Variants in KCNT1 observed in about 807,000 individuals in gnomAD.
KCNT1 encodes potassium sodium-activated channel subfamily T member 1.
In KCNT1, 78 loss-of-function variants were observed where a neutral mutation model predicts 147.8. That is an observed-to-expected ratio of 0.53 (90% CI 0.44 to 0.64). The LOEUF (loss-of-function observed/expected upper bound fraction) is 0.64. Ranked by LOEUF, KCNT1 falls within the 30% of genes least tolerant of loss-of-function variation. KCNT1 has a pLI of 0.00. For missense variants in KCNT1, 1,419 were observed against 1,750.3 expected (o/e 0.81, Z 3.38); for synonymous variants, 867 against 748.8 (o/e 1.16, Z -2.58).
intron 2 of KCNT1, among the ~76,000 whole-genome samples, chr9:135,731,073 G>A (rs905919993): frequency 1.3e-5 from 2 of 148,838 alleles, no homozygotes; most frequent in African/African-American, 5.0e-5. Flanking sequence ...AAGCCCACAC[G>A]CCATGTTTGA....
Position 135,778,490 on chromosome 9 carries a change from G to T in KCNT1, c.2589G>T (p.Val863=). 6.4e-7 allele frequency: 1 copy of T among 1,569,664 alleles called. No individual in the cohort carries two copies. The highest frequency in any genetic ancestry group is 2.4e-5 in the East Asian group (1 of 42,262). The change falls in exon 22 of 31, where the codon GTG becomes GTT. Residue 863 remains valine (V), a synonymous_variant. Transcript: ENST00000371757. The stretch of plus-strand genomic sequence containing the variant: ...TGGTCTACTACATGGAGGGCTCTGT[G>T]GACAAGTAAGGCGTGGCCGGCCGAG... ...FPMVYYMEGS[V]DNLDSLLQCG... is the part of the protein sequence containing the mutation.
chr9:135,769,026 T>C, intron 15 of KCNT1, 89 bp downstream of exon 15: 2 of 987,174 alleles, frequency 2.0e-6, no homozygotes, highest in South Asian at 1.5e-5. Context: ...GCAGGGCGCA[T>C]GTGCACATGT....
Position 135,792,296 on chromosome 9 carries a change from ACCC to A in KCNT1, c.*136_*138del. The A allele has an allele frequency of 1.7e-6, 2 of 1,185,468 alleles. No homozygotes were observed. Among genetic ancestry groups the A allele is most frequent in the Non-Finnish European group, 2.3e-6 (2 of 874,498 alleles). 73.4% of individuals were successfully genotyped at this position (1,185,468 alleles called of 1,614,324 possible). A position where few individuals can be genotyped will look rare whatever the true frequency, so the allele number is the denominator to read the frequency against. On this transcript the variant is annotated 3_prime_UTR_variant, in exon 31 of 31. Transcript: ENST00000371757. Reference sequence around the variant, plus strand: ...TACTCACCATGGCTCCTGGGACTCCACCCTGGAAAGGAGCCCCTCATGCGGGGG... The same window carrying A: ...TACTCACCATGGCTCCTGGGACTCCATGGAAAGGAGCCCCTCATGCGGGGG...
intron 2 of KCNT1, chr9:135,742,748 G>A (rs1032295260): frequency 2.9e-5 from 21 of 717,262 alleles, no homozygotes; most frequent in African/African-American, 2.1e-4. Flanking sequence ...CCGCATTCTG[G>A]TTGATGCCCC....
intron 14 of KCNT1, 31 bp downstream of exon 14, chr9:135,768,704 G>T: frequency 6.5e-7 from 1 of 1,545,716 alleles, no homozygotes; most frequent in Non-Finnish European, 8.7e-7. Flanking sequence ...GCCCAGGCGG[G>T]AGGGGCACCG....
intron 18 of KCNT1, among the ~76,000 whole-genome samples, chr9:135,772,305 A>T (rs1369685375): frequency 6.6e-6 from 1 of 152,022 alleles, no homozygotes; most frequent in African/African-American, 2.4e-5. Flanking sequence ...CAGGAGTGGC[A>T]GAGTCTGCTC....
At chr9:135,726,924 T>C (rs1454601661) in intron 2 of KCNT1, among the ~76,000 whole-genome samples, 4 of 87,152 alleles carry the variant, frequency 4.6e-5, no homozygotes, top group African/African-American at 8.8e-5. Flanking sequence ...TCTCCCTCTC[T>C]CTCTCTCCCT....
At chr9:135,705,211 CCT>C (rs1564307687) in intron 1 of KCNT1, among the ~76,000 whole-genome samples, 1 of 152,196 alleles carries the variant, frequency 6.6e-6, no homozygotes, top group African/African-American at 2.4e-5. Flanking sequence ...CGGGCTCTCC[CCT>C]GAGGCTTTTT....
chr9:135,730,675 C>T lies in KCNT1; in HGVS notation c.254+15955C>T, dbSNP rs536737931. On this transcript the variant is annotated intron_variant, in intron 2 of 30. Coordinates refer to ENST00000371757, the MANE Select transcript of KCNT1 (RefSeq NM_020822.3). The surrounding 1 kb of genome is among the most constrained non-coding windows in gnomAD (Gnocchi z 4.7). Reference sequence around the variant, plus strand: ...CTTCAGGCTTGGGATTTCGGACCTCCGGGATGGTGTGCTTAAAACACTTGT... The same window carrying T: ...CTTCAGGCTTGGGATTTCGGACCTCTGGGATGGTGTGCTTAAAACACTTGT... 7.2e-5 allele frequency among the ~76,000 whole-genome samples: 11 copies of T among 152,192 alleles called. No individual in the cohort carries two copies. Among genetic ancestry groups the T allele is most frequent in the African/African-American group, 2.6e-4 (11 of 41,516 alleles).
At chr9:135,769,052 G>A (rs1423095266) in intron 15 of KCNT1, 115 bp downstream of exon 15, 5 of 816,116 alleles carry the variant, frequency 6.1e-6, no homozygotes, top group Non-Finnish European at 9.7e-6. Context: ...GGTGCGTCTG[G>A]GGCAGGACGC....
At chr9:135,725,310 C>T (rs913501718) in intron 2 of KCNT1, among the ~76,000 whole-genome samples, 4 of 152,200 alleles carry the variant, frequency 2.6e-5, no homozygotes, top group East Asian at 1.9e-4. Context: ...TGTAGAAACA[C>T]GGTCTTTGCA....
chr9:135,733,876 C>T (rs977839452), intron 2 of KCNT1, among the ~76,000 whole-genome samples: 2 of 150,950 alleles, frequency 1.3e-5, no homozygotes, highest in Non-Finnish European at 3.0e-5. Flanking sequence ...AATCCACCCC[C>T]CGCCTGCTCC....
chr9:135,784,112 C>T lies in KCNT1; in HGVS notation c.2930C>T (p.Thr977Ile). The T allele has an allele frequency of 1.9e-6, 3 of 1,604,180 alleles. No homozygotes were observed. Among genetic ancestry groups the T allele is most frequent in the Non-Finnish European group, 2.5e-6 (3 of 1,179,782 alleles). ...GTCTTCAGCATCAGCATGTTGGACA[C>T]ACTGCTCTACCAGGTCAGCGGGGAA... Reference protein sequence around the residue: ...GRVFSISMLDTLLYQSFVKDY... With the variant: ...GRVFSISMLDILLYQSFVKDY... Residue 977 changes from threonine (T) to isoleucine (I), a missense_variant, in exon 25 of 31, where the codon ACA (threonine) becomes ATA (isoleucine). This residue lies in a region of KCNT1 where 247 missense variants were observed against 397.1 expected (regional missense o/e 0.62). Coordinates refer to ENST00000371757, the MANE Select transcript of KCNT1 (RefSeq NM_020822.3).
intron 1 of KCNT1, among the ~76,000 whole-genome samples, chr9:135,710,242 T>C (rs1186216902): frequency 5.3e-5 from 8 of 152,208 alleles, no homozygotes; most frequent in Non-Finnish European, 1.0e-4. Context: ...CTGTATTTTC[T>C]TTCCATCTTG....
At chr9:135,738,489 G>A (rs1388857376) in intron 2 of KCNT1, among the ~76,000 whole-genome samples, 2 of 152,148 alleles carry the variant, frequency 1.3e-5, no homozygotes, top group African/African-American at 4.8e-5. Context: ...AGGCAGGTGT[G>A]GTCTGCCCCA....
rs898200935 is a variant in KCNT1, at chr9:135,730,378, G to C, written c.254+15658G>C. Among the ~76,000 whole-genome samples the C allele has an allele frequency of 6.6e-6, 1 of 152,200 alleles. No individual in the cohort carries two copies. Among genetic ancestry groups the C allele is most frequent in the African/African-American group, 2.4e-5 (1 of 41,444 alleles). On this transcript the variant is annotated intron_variant, in intron 2 of 30. Transcript: ENST00000371757. This position sits in a 1 kb window ranked among gnomAD's most constrained non-coding sequence, Gnocchi z 4.7. ...CCATGCGTGGCGAGGGGGACCACACGTGGTGAGGGGGATTAGCAGATATGA... is the reference window on the plus strand; with the variant it reads ...CCATGCGTGGCGAGGGGGACCACACCTGGTGAGGGGGATTAGCAGATATGA...
chr9:135,777,764 C>T (rs924033231), intron 21 of KCNT1, among the ~76,000 whole-genome samples: 3 of 150,612 alleles, frequency 2.0e-5, no homozygotes, highest in African/African-American at 7.3e-5. Context: ...CTCCTGGGTC[C>T]TCCCTGCTCC....
At chr9:135,721,098 T>A (rs1309578094) in intron 2 of KCNT1, among the ~76,000 whole-genome samples, 1 of 152,120 alleles carries the variant, frequency 6.6e-6, no homozygotes, top group Non-Finnish European at 1.5e-5. Context: ...GGGAGAGGCC[T>A]GGAGCTGAGT....
chr9:135,709,389 G>A (rs113981180), intron 1 of KCNT1, among the ~76,000 whole-genome samples: 203 of 152,298 alleles, frequency 1.3e-3, no homozygotes, highest in African/African-American at 4.7e-3. Context: ...ACATGAGGCC[G>A]TGATGAAAAT....
Sources: allele counts gnomAD v4.1 joint callset (sites outside exome capture counted in the v4.1 genomes callset), GRCh38; gene constraint gnomAD v4.1.1; regional missense constraint gnomAD v4.1.1; non-coding constraint Gnocchi (gnomAD v3.1); transcripts MANE v1.5; gene names NCBI Gene and HGNC (gene_info 2026-07-23, HGNC 2026-07-21).